Variants in AP3B1 observed in about 807,000 individuals in gnomAD.
AP3B1 encodes the protein AP-3 complex subunit beta-1.
AP3B1 carries 61 observed loss-of-function variants against 132.5 expected under a neutral mutation model. The observed-to-expected ratio is 0.46, with a 90% CI of 0.37 to 0.57. The LOEUF (loss-of-function observed/expected upper bound fraction) is 0.57, where lower values mean the gene tolerates loss of function less well. Among genes scored for constraint, AP3B1 ranks in the 20% least tolerant of loss-of-function variants. AP3B1 has a pLI of 0.00. For synonymous variants in AP3B1, 388 were observed against 438.3 expected (o/e 0.89, Z 1.43); for missense variants, 1,120 against 1,289.4 (o/e 0.87, Z 2.01).
intron 11 of AP3B1, among the ~76,000 whole-genome samples, chr5:78,175,076 A>T (rs757376552): frequency 1.3e-5 from 2 of 152,228 alleles, no homozygotes; most frequent in South Asian, 4.1e-4. Flanking sequence ...GACCTTGGGA[A>T]AGCGCAGTTT....
intron 21 of AP3B1, among the ~76,000 whole-genome samples, chr5:78,093,970 A>G (rs1431397598): frequency 1.3e-5 from 2 of 152,226 alleles, no homozygotes; most frequent in African/African-American, 4.8e-5. Context: ...ACTCCACTCT[A>G]CTGCCTTGAC....
chr5:78,142,562 A>C (rs911606301), intron 14 of AP3B1, among the ~76,000 whole-genome samples: 1 of 152,178 alleles, frequency 6.6e-6, no homozygotes, highest in Non-Finnish European at 1.5e-5. Context: ...ACCTTTCCAT[A>C]GCTAAAATTT....
intron 3 of AP3B1, among the ~76,000 whole-genome samples, chr5:78,238,120 C>T (rs1208671774): frequency 3.3e-5 from 5 of 152,176 alleles, no homozygotes; most frequent in East Asian, 1.9e-4. Context: ...CTTCATTGCT[C>T]GCATTACCTC....
intron 14 of AP3B1, among the ~76,000 whole-genome samples, chr5:78,154,913 G>T (rs1743083389): frequency 6.6e-6 from 1 of 152,176 alleles, no homozygotes; most frequent in Non-Finnish European, 1.5e-5. Context: ...TTCTCTGTCT[G>T]AAGGGTCACG....
chr5:78,127,031 G>A (rs925912002), intron 17 of AP3B1, among the ~76,000 whole-genome samples: 10 of 152,186 alleles, frequency 6.6e-5, no homozygotes, highest in Admixed American at 4.6e-4. Context: ...TATTAATTCC[G>A]GCCATGCTTC....
chr5:78,111,866 T>A (rs1021405699), intron 19 of AP3B1, among the ~76,000 whole-genome samples: 15 of 152,128 alleles, frequency 9.9e-5, no homozygotes, highest in Admixed American at 1.3e-4. Flanking sequence ...TTTACAATAA[T>A]GAAATTAATA....
intron 2 of AP3B1, among the ~76,000 whole-genome samples, chr5:78,257,311 A>T (rs1416095693): frequency 6.6e-6 from 1 of 152,200 alleles, no homozygotes; most frequent in African/African-American, 2.4e-5. Context: ...TGATAAACAA[A>T]TTAAGTAAAG....
chr5:78,113,215 A>G (rs1272071437), intron 19 of AP3B1, among the ~76,000 whole-genome samples: 1 of 152,204 alleles, frequency 6.6e-6, no homozygotes, highest in African/African-American at 2.4e-5. Flanking sequence ...AATCCAAGAT[A>G]TTAGACCCAA....
chr5:78,151,072 C>T (rs562496994), intron 14 of AP3B1, among the ~76,000 whole-genome samples: 170 of 152,246 alleles, frequency 1.1e-3, no homozygotes, highest in African/African-American at 4.0e-3. Context: ...GCACACACCA[C>T]CACGCCCAGC....
At chr5:78,016,331 C>T (rs1746853445) in intron 25 of AP3B1, among the ~76,000 whole-genome samples, 2 of 152,028 alleles carry the variant, frequency 1.3e-5, no homozygotes, top group South Asian at 4.2e-4. Flanking sequence ...ATCCAGACCT[C>T]CTGTAAAAAT....
chr5:78,163,774 C>T (rs1743497266), intron 12 of AP3B1, among the ~76,000 whole-genome samples: 1 of 151,462 alleles, frequency 6.6e-6, no homozygotes, highest in African/African-American at 2.4e-5. Context: ...GAGAATTTCA[C>T]TTTGCTTAGA....
rs1277126423 is a variant in AP3B1 at position 78,113,767 on chromosome 5, T to G, written c.2234A>C (p.Lys745Thr). The change falls in exon 19 of 27, where the codon AAA becomes ACA. Residue 745 changes from lysine (K) to threonine (T), a missense_variant. Around this residue, in one of 3 missense-constraint regions of AP3B1, gnomAD observed 906 missense variants for 997.1 expected, o/e 0.91. Transcript: ENST00000255194. ...ENKRTAKRNS[K>T]AKGKSDSEDG... is the part of the protein sequence containing the mutation. ...AATAAGTTACCTTTTTCCTTTGGCT[T>G]TTGAGTTCCTCTTGGCTGTTCTTTT... 4 of 1,614,008 alleles carry G rather than the reference T, an allele frequency of 2.5e-6. No individual in the cohort carries two copies. In the African/African-American group the frequency reaches 5.3e-5, roughly 22 times the overall value.
intron 2 of AP3B1, among the ~76,000 whole-genome samples, chr5:78,259,066 T>A (rs542237574): frequency 6.6e-6 from 1 of 151,834 alleles, no homozygotes; most frequent in Non-Finnish European, 1.5e-5. Context: ...TGAAACCCCA[T>A]CTCTATTAAA....
intron 21 of AP3B1, 53 bp downstream of exon 21, chr5:78,100,900 T>TA (rs1751094910): frequency 9.0e-7 from 1 of 1,115,892 alleles, no homozygotes. Context: ...ACTATAAAAA[T>TA]AAAAAATACT....
intron 17 of AP3B1, among the ~76,000 whole-genome samples, chr5:78,127,361 T>C (rs572662785): frequency 2.0e-4 from 31 of 152,308 alleles, no homozygotes; most frequent in African/African-American, 7.2e-4. Context: ...TAAATACAAT[T>C]AGAAGGCCTC....
chr5:78,087,525 A>G, intron 22 of AP3B1: 1 of 984,746 alleles, frequency 1.0e-6, no homozygotes, highest in Non-Finnish European at 1.2e-6. Context: ...TTGCTGGTGA[A>G]CTTCTGGTTG....
intron 24 of AP3B1, among the ~76,000 whole-genome samples, chr5:78,022,656 G>T (rs769345503): frequency 6.6e-6 from 1 of 152,106 alleles, no homozygotes; most frequent in Admixed American, 6.5e-5. Flanking sequence ...TGAAGCAATG[G>T]GAAACTACTA....
intron 11 of AP3B1, among the ~76,000 whole-genome samples, chr5:78,166,181 T>C (rs759537609): frequency 2.0e-5 from 3 of 150,148 alleles, no homozygotes; most frequent in Admixed American, 6.6e-5. Context: ...ACAAATCATA[T>C]TGTCGCCAAT....
chr5:78,184,823 G>A (rs1352849058), intron 7 of AP3B1, among the ~76,000 whole-genome samples: 2 of 152,228 alleles, frequency 1.3e-5, no homozygotes, highest in African/African-American at 4.8e-5. Flanking sequence ...AATAATGACT[G>A]CAAACTTTTT....
Sources: gnomAD v4.1 joint callset for allele counts (sites outside exome capture counted in the v4.1 genomes callset) on GRCh38, gnomAD v4.1.1 for gene constraint, gnomAD v4.1.1 regional missense constraint, MANE v1.5 for transcripts, NCBI Gene and HGNC (gene_info 2026-07-23, HGNC 2026-07-21) for gene names.